ATXN1: variants seen among roughly 807,000 people sequenced by gnomAD.
ATXN1 encodes the protein ataxin-1.
Under a neutral mutation model 56.4 loss-of-function variants are expected in ATXN1, and 8 were observed. The observed-to-expected ratio is 0.14, with a 90% CI of 0.08 to 0.26. The LOEUF (loss-of-function observed/expected upper bound fraction) is 0.26. Ranked by LOEUF, ATXN1 falls within the 10% of genes least tolerant of loss-of-function variation. The probability of loss-of-function intolerance (pLI) is 1.00; values close to 1 mark genes in which losing one functional copy is unlikely to be tolerated. For synonymous variants in ATXN1, 514 were observed against 494.6 expected, an observed-to-expected ratio of 1.04 and a Z score of -0.52; for missense variants, 987 against 1,106.5, an observed-to-expected ratio of 0.89 and a Z score of 1.53.
intron 6 of ATXN1, among the ~76,000 whole-genome samples, chr6:16,421,765 T>C (rs552934726): frequency 6.6e-6 from 1 of 151,944 alleles, no homozygotes; most frequent in East Asian, 1.9e-4. Flanking sequence ...TGAGTGTGCA[T>C]ACAAGTACAT....
chr6:16,538,330 T>C (rs971438519), intron 4 of ATXN1, among the ~76,000 whole-genome samples: 14 of 152,232 alleles, frequency 9.2e-5, no homozygotes, highest in Admixed American at 9.2e-4. Context: ...ACAAAGCACT[T>C]AGAGCAGTAT....
At chr6:16,665,784 G>A (rs997724031) in intron 2 of ATXN1, among the ~76,000 whole-genome samples, 1 of 152,160 alleles carries the variant, frequency 6.6e-6, no homozygotes, top group African/African-American at 2.4e-5. Flanking sequence ...GTTATCTGTG[G>A]GCGGAAAACT....
chr6:16,749,646 C>T (rs954436912), intron 2 of ATXN1, among the ~76,000 whole-genome samples: 57 of 152,116 alleles, frequency 3.7e-4, no homozygotes, highest in African/African-American at 1.4e-3. Context: ...CCTCCTTCAC[C>T]CCAGATCATG....
At chr6:16,632,153 C>T (rs538050152) in intron 3 of ATXN1, among the ~76,000 whole-genome samples, 3 of 152,250 alleles carry the variant, frequency 2.0e-5, no homozygotes, top group South Asian at 2.1e-4. Flanking sequence ...GATCATGTAA[C>T]AACCTCCTTT....
chr6:16,567,446 T>C (rs896141392), intron 4 of ATXN1, among the ~76,000 whole-genome samples: 1 of 152,248 alleles, frequency 6.6e-6, no homozygotes, highest in African/African-American at 2.4e-5. Flanking sequence ...TAACTTGCGC[T>C]TATTCTGAAA....
At chr6:16,578,711 C>G (rs1022532914) in intron 4 of ATXN1, among the ~76,000 whole-genome samples, 4 of 151,254 alleles carry the variant, frequency 2.6e-5, no homozygotes, top group African/African-American at 9.8e-5. Flanking sequence ...TATGTGCCAG[C>G]ACAGCCTGAT....
chr6:16,390,708 G>T (rs199888472), intron 6 of ATXN1, among the ~76,000 whole-genome samples: 1 of 127,044 alleles, frequency 7.9e-6, no homozygotes, highest in Non-Finnish European at 1.6e-5. Flanking sequence ...ACACACACAC[G>T]CATGCACACA....
chr6:16,540,726 TG>T (rs1761699271), intron 4 of ATXN1, among the ~76,000 whole-genome samples: 2 of 152,214 alleles, frequency 1.3e-5, no homozygotes, highest in African/African-American at 4.8e-5. Context: ...GTTAGGTTTG[TG>T]TTGTGTTTTA....
Position 16,733,289 on chromosome 6 carries a change from G to A in ATXN1, c.-615+19944C>T, listed in dbSNP as rs369382023. Among the ~76,000 whole-genome samples, 33 of 152,340 alleles carry A rather than the reference G, an allele frequency of 2.2e-4. No individual in the cohort carries two copies. The East Asian group carries it at 3.3e-3, about 15-fold the overall frequency. On this transcript the variant is annotated intron_variant, in intron 2 of 7. Coordinates refer to ENST00000436367, the MANE Select transcript of ATXN1 (RefSeq NM_001128164.2). Reference sequence around the variant, plus strand: ...TAAGAACCACAAGTCAGCCAGGCACGGCAGCTCATGTCTGTAATCCCAACA... The same window carrying A: ...TAAGAACCACAAGTCAGCCAGGCACAGCAGCTCATGTCTGTAATCCCAACA...
At chr6:16,390,851 C>T (rs935549599) in intron 6 of ATXN1, among the ~76,000 whole-genome samples, 3 of 151,962 alleles carry the variant, frequency 2.0e-5, no homozygotes, top group Non-Finnish European at 2.9e-5. Context: ...ATCCACCTCC[C>T]AGGAAAATTG....
At chr6:16,527,612 T>C (rs776538785) in intron 4 of ATXN1, among the ~76,000 whole-genome samples, 10 of 152,152 alleles carry the variant, frequency 6.6e-5, no homozygotes, top group Non-Finnish European at 1.3e-4. Context: ...GTCCAGCCGA[T>C]GCAATTTTTA....
At chr6:16,626,627 A>G (rs1326606011) in intron 3 of ATXN1, among the ~76,000 whole-genome samples, 1 of 152,154 alleles carries the variant, frequency 6.6e-6, no homozygotes, top group Non-Finnish European at 1.5e-5. Context: ...CTAATGAATC[A>G]AGTTAACTTA....
At chr6:16,396,086 CAAG>C (rs1312204022) in intron 6 of ATXN1, among the ~76,000 whole-genome samples, 5 of 144,746 alleles carry the variant, frequency 3.5e-5, no homozygotes, top group Non-Finnish European at 7.5e-5. Flanking sequence ...TGGAGGTGTT[CAAG>C]AAGAAGGCAT....
chr6:16,571,235 G>A (rs1469772134), intron 4 of ATXN1, among the ~76,000 whole-genome samples: 1 of 151,850 alleles, frequency 6.6e-6, no homozygotes, highest in Non-Finnish European at 1.5e-5. Context: ...GTATATATGG[G>A]TCTGTGGAAA....
chr6:16,658,385 C>CG (rs547465625), intron 2 of ATXN1, among the ~76,000 whole-genome samples: 197 of 152,252 alleles, frequency 1.3e-3, no homozygotes, highest in African/African-American at 4.3e-3. Flanking sequence ...AAAGATAAAG[C>CG]ATAAGAGAGA....
Position 16,304,219 on chromosome 6 carries a change from A to G in ATXN1, c.*2110T>C, listed in dbSNP as rs1760182354. 2 of 152,614 alleles carry G rather than the reference A, an allele frequency of 1.3e-5. No individual in the cohort carries two copies. The highest frequency in any genetic ancestry group is 4.8e-5 in the African/African-American group (2 of 41,448). The allele number at this position is 152,614 out of a possible 1,614,324, so 9.5% of individuals were successfully genotyped here. ...AAGAAAGTACTATTTTCAATGGGGT[A>G]AAAGAAAAGTCAGGTATTTGTTCAG... On this transcript the variant is annotated 3_prime_UTR_variant, in exon 8 of 8. Coordinates refer to ENST00000436367, the MANE Select transcript of ATXN1 (RefSeq NM_001128164.2).
In ATXN1 at chr6:16,348,783, A is replaced by G. The variant is rs1258747507; in HGVS notation, c.-160-20313T>C. On this transcript the variant is annotated intron_variant, in intron 6 of 7. Coordinates refer to ENST00000436367, the MANE Select transcript of ATXN1 (RefSeq NM_001128164.2). The stretch of plus-strand genomic sequence containing the variant: ...GGGACAATTCAGTGCCTAGCATGCA[A>G]GCAGGCAGTAGTGCCTCAAAAAATG... Among the ~76,000 whole-genome samples, 2 of 152,234 alleles carry G rather than the reference A, an allele frequency of 1.3e-5. 1 individual carries two copies. Among genetic ancestry groups the G allele is most frequent in the South Asian group, 4.1e-4 (2 of 4,834 alleles).
chr6:16,639,995 C>T (rs1257353081), intron 3 of ATXN1, among the ~76,000 whole-genome samples: 1 of 152,020 alleles, frequency 6.6e-6, no homozygotes, highest in African/African-American at 2.4e-5. Context: ...AAGGACACAT[C>T]AGTTGAAAGA....
chr6:16,300,421 AG>A lies in ATXN1; in HGVS notation c.*5907del, dbSNP rs1189774552. ...GAACAGTTGCCTTCAACGAGAAGGGAGGGGACGAGATTCTGAATTTAAGAAT... is the reference window on the plus strand; with the variant it reads ...GAACAGTTGCCTTCAACGAGAAGGGAGGGACGAGATTCTGAATTTAAGAAT... On this transcript the variant is annotated 3_prime_UTR_variant, in exon 8 of 8. Transcript: ENST00000436367. 1 of 152,398 alleles carries A rather than the reference AG, an allele frequency of 6.6e-6. No homozygotes were observed. Among genetic ancestry groups the A allele is most frequent in the African/African-American group, 2.4e-5 (1 of 41,246 alleles). 9.4% of individuals were successfully genotyped at this position (152,398 alleles called of 1,614,324 possible). A position where few individuals can be genotyped will look rare whatever the true frequency, so the allele number is the denominator to read the frequency against.
Sources: allele counts gnomAD v4.1 joint callset (sites outside exome capture counted in the v4.1 genomes callset), GRCh38; gene constraint gnomAD v4.1.1; transcripts MANE v1.5; gene names NCBI Gene and HGNC (gene_info 2026-07-23, HGNC 2026-07-21).